ADAMTS9: variants seen among roughly 807,000 people sequenced by gnomAD.
ADAMTS9 encodes the protein A disintegrin and metalloproteinase with thrombospondin motifs 9.
In ADAMTS9, 107 loss-of-function variants were observed where a neutral mutation model predicts 257.1. The observed-to-expected ratio is 0.42, with a 90% CI of 0.36 to 0.49. The LOEUF (loss-of-function observed/expected upper bound fraction) is 0.49. Among genes scored for constraint, ADAMTS9 ranks in the 20% least tolerant of loss-of-function variants. The probability of loss-of-function intolerance (pLI) is 0.03; values close to 1 mark genes in which losing one functional copy is unlikely to be tolerated. For synonymous variants in ADAMTS9, 982 were observed against 880.9 expected (o/e 1.11, Z -2.03); for missense variants, 2,353 against 2,469.1 (o/e 0.95, Z 1.00).
intron 18 of ADAMTS9, 88 bp from the exon 19 acceptor site, chr3:64,621,328 A>C: frequency 7.0e-7 from 1 of 1,419,126 alleles, no homozygotes; most frequent in South Asian, 1.4e-5. Context: ...ATTTTCTCTA[A>C]AGAGCCAGAC....
intron 16 of ADAMTS9, among the ~76,000 whole-genome samples, chr3:64,629,763 C>A (rs1345545932): frequency 6.6e-6 from 1 of 152,188 alleles, no homozygotes; most frequent in Non-Finnish European, 1.5e-5. Flanking sequence ...GTGCCTAGAA[C>A]AGTGCCTGGC....
chr3:64,638,292 G>T (rs1700551212), intron 12 of ADAMTS9, among the ~76,000 whole-genome samples: 1 of 152,142 alleles, frequency 6.6e-6, no homozygotes. Flanking sequence ...AGGAAGCTCT[G>T]AGCCAAATTT....
intron 12 of ADAMTS9, among the ~76,000 whole-genome samples, chr3:64,639,178 C>A (rs1277596641): frequency 2.6e-5 from 4 of 152,000 alleles, no homozygotes; most frequent in Admixed American, 6.6e-5. Context: ...GCCATTGTAA[C>A]CTCCGTATTC....
At chr3:64,590,097 G>A (rs1306595486) in intron 28 of ADAMTS9, 1 of 151,994 alleles carries the variant, frequency 6.6e-6, no homozygotes, top group Non-Finnish European at 1.5e-5. Flanking sequence ...TTTCATAGTT[G>A]AGATTCAATA....
At chr3:64,560,500 A>C (rs1411379627) in intron 30 of ADAMTS9, among the ~76,000 whole-genome samples, 1 of 152,180 alleles carries the variant, frequency 6.6e-6, no homozygotes, top group Non-Finnish European at 1.5e-5. Flanking sequence ...TTAATGGTTT[A>C]AGAGAACAAG....
At chr3:64,648,902 A>G (rs4371513) in intron 10 of ADAMTS9, among the ~76,000 whole-genome samples, 29,309 of 152,032 alleles carry the variant, frequency 0.19, 3,893 homozygotes, top group East Asian at 0.58. Context: ...CCATGAATCA[A>G]GTTTACTCAA....
chr3:64,622,607 T>C (rs757000431), intron 16 of ADAMTS9, 21 bp from the exon 17 acceptor site: 1 of 1,612,218 alleles, frequency 6.2e-7, no homozygotes, highest in Non-Finnish European at 8.5e-7. Flanking sequence ...AGAAACAGAA[T>C]AATACATTGA....
At chr3:64,540,577 G>T (rs996239427) in intron 36 of ADAMTS9, among the ~76,000 whole-genome samples, 4 of 152,200 alleles carry the variant, frequency 2.6e-5, no homozygotes, top group African/African-American at 9.6e-5. Context: ...TGGGCTGGGG[G>T]TGGTGAATGT....
chr3:64,581,952 C>A (rs57280089), intron 28 of ADAMTS9, among the ~76,000 whole-genome samples: 25,060 of 152,192 alleles, frequency 0.16, 2,178 homozygotes, highest in South Asian at 0.24. Flanking sequence ...TAGATTTCTT[C>A]TCCAGTCTCA....
At position 64,602,372 on chromosome 3, in the gene ADAMTS9, T is replaced by A. The variant is rs576464651; in HGVS notation, c.3748-159A>T. Among the ~76,000 whole-genome samples the A allele has an allele frequency of 3.3e-5, 5 of 152,280 alleles. No individual in the cohort carries two copies. In the South Asian group the frequency reaches 1.0e-3, roughly 32 times the overall value. On this transcript the variant is annotated intron_variant, in intron 25 of 39. Transcript: ENST00000498707. ...TCTCCTCTTTTTTTCCCATCCCATA[T>A]CCATTTCAGTGAGAAATCTGTCAGC...
At chr3:64,558,037 T>C (rs936603192) in intron 30 of ADAMTS9, among the ~76,000 whole-genome samples, 1 of 152,196 alleles carries the variant, frequency 6.6e-6, no homozygotes, top group Admixed American at 6.5e-5. Flanking sequence ...TAAAGTCTGA[T>C]AGCTAACTAG....
intron 28 of ADAMTS9, among the ~76,000 whole-genome samples, chr3:64,569,412 G>C (rs971061204): frequency 1.3e-5 from 2 of 152,146 alleles, no homozygotes; most frequent in African/African-American, 4.8e-5. Flanking sequence ...CAATATAATG[G>C]TCTTGCTTTT....
At chr3:64,564,537 T>C (rs2083491586) in intron 29 of ADAMTS9, among the ~76,000 whole-genome samples, 1 of 152,176 alleles carries the variant, frequency 6.6e-6, no homozygotes, top group Non-Finnish European at 1.5e-5. Flanking sequence ...AAACACTTAC[T>C]ATATGCTAGG....
chr3:64,687,548 C>G lies in ADAMTS9; in HGVS notation c.110G>C (p.Arg37Thr). The G allele has an allele frequency of 6.5e-7, 1 of 1,539,602 alleles. No homozygotes were observed. Among genetic ancestry groups the G allele is most frequent in the Non-Finnish European group, 8.8e-7 (1 of 1,141,436 alleles). The part of the protein sequence containing the change: ...AAVRKDRLHP[R>T]QVKLLETLSE... ...GGGGGCCGGAGCCTGGTTACCTTGC[C>G]TCGGGTGCAGCCTGTCCTTGCGCAC... is the stretch of plus-strand genomic sequence containing the variant. Residue 37 changes from arginine (R) to threonine (T), a missense_variant, in exon 1 of 40, where the codon AGG (arginine) becomes ACG (threonine). This residue lies in a region of ADAMTS9 where 591 missense variants were observed against 569.6 expected (regional missense o/e 1.04). Coordinates refer to ENST00000498707, the MANE Select transcript of ADAMTS9 (RefSeq NM_182920.2). The surrounding 1 kb of genome is among the most constrained non-coding windows in gnomAD (Gnocchi z 4.4).
At chr3:64,660,057 T>G (rs1282651180) in intron 3 of ADAMTS9, among the ~76,000 whole-genome samples, 1 of 152,200 alleles carries the variant, frequency 6.6e-6, no homozygotes. Context: ...ATAAACAGAA[T>G]AAGCATTAAA....
intron 3 of ADAMTS9, among the ~76,000 whole-genome samples, chr3:64,672,170 G>A (rs556422728): frequency 2.2e-4 from 33 of 152,306 alleles, no homozygotes; most frequent in East Asian, 1.2e-3. Context: ...AAAGATGTGC[G>A]TCTTAGCCAG....
At chr3:64,629,293 A>G (rs1700306903) in intron 16 of ADAMTS9, among the ~76,000 whole-genome samples, 1 of 152,156 alleles carries the variant, frequency 6.6e-6, no homozygotes, top group South Asian at 2.1e-4. Context: ...AAAAACATAA[A>G]TGCAGTAAGA....
At chr3:64,615,196 G>C in intron 21 of ADAMTS9, 125 bp downstream of exon 21, 1 of 1,153,536 alleles carries the variant, frequency 8.7e-7, no homozygotes. Flanking sequence ...GTTTTCTCAA[G>C]GGAGACAAGG....
At chr3:64,544,330 A>C (rs1559755848) in intron 32 of ADAMTS9, among the ~76,000 whole-genome samples, 2 of 152,172 alleles carry the variant, frequency 1.3e-5, no homozygotes, top group Non-Finnish European at 2.9e-5. Flanking sequence ...CGAAAGAACA[A>C]AGCTGGAGGC....
Sources: allele counts gnomAD v4.1 joint callset (sites outside exome capture counted in the v4.1 genomes callset), GRCh38; gene constraint gnomAD v4.1.1; regional missense constraint gnomAD v4.1.1; non-coding constraint Gnocchi (gnomAD v3.1); transcripts MANE v1.5; gene names NCBI Gene and HGNC (gene_info 2026-07-23, HGNC 2026-07-21).